The following UGGT2 variants were observed in gnomAD, a reference collection of about 807,000 sequenced individuals.
The protein encoded by UGGT2 is UDP-glucose:glycoprotein glucosyltransferase 2.
Under a neutral mutation model 192.1 loss-of-function variants are expected in UGGT2, and 180 were observed. That is an observed-to-expected ratio of 0.94 (90% CI 0.83 to 1.06). The LOEUF is 1.06. Among genes scored for constraint, UGGT2 ranks in the 50% least tolerant of loss-of-function variants. UGGT2 has a pLI of 0.00. For missense variants in UGGT2, 1,849 were observed against 1,795.7 expected (o/e 1.03, Z -0.54); for synonymous variants, 580 against 591.0 (o/e 0.98, Z 0.27).
chr13:95,839,976 C>T (rs1358715192), intron 36 of UGGT2, among the ~76,000 whole-genome samples: 1 of 152,018 alleles, frequency 6.6e-6, no homozygotes, highest in Non-Finnish European at 1.5e-5. Context: ...TGTCTATTTA[C>T]ATAGACATAT....
At chr13:95,852,060 G>T (rs539337754) in intron 36 of UGGT2, among the ~76,000 whole-genome samples, 1 of 151,888 alleles carries the variant, frequency 6.6e-6, no homozygotes, top group Non-Finnish European at 1.5e-5. Flanking sequence ...TATATTTGAA[G>T]ATCTCCCAAT....
Position 95,837,081 on chromosome 13 carries a change from C to T in UGGT2, c.4401+5G>A. The T allele has an allele frequency of 6.3e-7, 1 of 1,592,358 alleles. No homozygotes were observed. On this transcript the variant is annotated splice_donor_5th_base_variant and intron_variant, in intron 37 of 38. Coordinates refer to ENST00000376747, the MANE Select transcript of UGGT2 (RefSeq NM_020121.4). ...TTACATACAAATGAAAACAAAGACA[C>T]TCACCAGATCAATTGTTTTGGCTCT...
chr13:96,033,709 C>A (rs1215001546), intron 1 of UGGT2, among the ~76,000 whole-genome samples: 1 of 152,214 alleles, frequency 6.6e-6, no homozygotes, highest in Non-Finnish European at 1.5e-5. Flanking sequence ...CTGCCACAAC[C>A]CGGCTGGTTG....
At chr13:95,933,456 T>A (rs1467993408) in intron 17 of UGGT2, among the ~76,000 whole-genome samples, 1 of 152,210 alleles carries the variant, frequency 6.6e-6, no homozygotes, top group South Asian at 2.1e-4. Context: ...TTCTCCTTTT[T>A]CTGTTAATCT....
chr13:96,018,157 C>A (rs932426929), intron 4 of UGGT2, among the ~76,000 whole-genome samples: 10 of 152,100 alleles, frequency 6.6e-5, no homozygotes, highest in African/African-American at 2.4e-4. Context: ...CTCCCTATTT[C>A]CTATTCCCTG....
intron 25 of UGGT2, among the ~76,000 whole-genome samples, chr13:95,890,421 C>T (rs1239241395): frequency 6.6e-6 from 1 of 152,080 alleles, no homozygotes; most frequent in Non-Finnish European, 1.5e-5. Context: ...CTAGTTTGCA[C>T]GGGGCTAACA....
At chr13:96,008,063 G>A (rs944388661) in intron 5 of UGGT2, among the ~76,000 whole-genome samples, 6 of 152,098 alleles carry the variant, frequency 3.9e-5, no homozygotes, top group Admixed American at 1.3e-4. Context: ...TCAAATATAA[G>A]ACCCAAAACT....
intron 7 of UGGT2, among the ~76,000 whole-genome samples, chr13:95,994,750 T>C (rs146971054): frequency 5.3e-5 from 8 of 152,044 alleles, no homozygotes; most frequent in Non-Finnish European, 1.0e-4. Flanking sequence ...TCATAATTTG[T>C]ATGGTGATAG....
intron 7 of UGGT2, among the ~76,000 whole-genome samples, chr13:95,994,858 C>CT (rs1000549341): frequency 3.3e-5 from 5 of 151,946 alleles, no homozygotes; most frequent in African/African-American, 1.2e-4. Context: ...TGTTTCATGT[C>CT]TTTGAGGTTT....
intron 30 of UGGT2, 138 bp from the exon 31 acceptor site, chr13:95,863,852 T>A (rs958948775): frequency 1.6e-5 from 11 of 679,102 alleles, no homozygotes; most frequent in Non-Finnish European, 2.6e-5. Context: ...ACAGGCAATA[T>A]CTTAGCACAA....
intron 16 of UGGT2, among the ~76,000 whole-genome samples, chr13:95,938,166 T>C (rs1353172429): frequency 6.6e-6 from 1 of 152,218 alleles, no homozygotes; most frequent in African/African-American, 2.4e-5. Context: ...CTTTCTTTTC[T>C]AAATTGCCCA....
chr13:95,996,088 G>T lies in UGGT2; in HGVS notation c.805C>A (p.Gln269Lys). The change falls in exon 7 of 39, where the codon CAA (glutamine) becomes AAA (lysine). Residue 269 changes from glutamine to lysine, a missense_variant. Physicochemically the swap from Gln to Lys is moderately conservative, Grantham distance 53 (BLOSUM62 1). Coordinates refer to ENST00000376747, the MANE Select transcript of UGGT2 (RefSeq NM_020121.4). ...VEDETETNEVQGFLFGKLKEI... is the reference protein window; with the variant it reads ...VEDETETNEVKGFLFGKLKEI... ...TTTAGTTTCCCAAAGAGAAATCCTT[G>T]AACTTCATTTGTTTCAGTCTCATCC... 1.2e-6 allele frequency: 2 copies of T among 1,613,472 alleles called. No individual in the cohort carries two copies. The highest frequency in any genetic ancestry group is 2.2e-5 in the South Asian group (2 of 90,972).
intron 38 of UGGT2, among the ~76,000 whole-genome samples, chr13:95,814,046 G>T (rs1884700279): frequency 6.6e-6 from 1 of 152,252 alleles, no homozygotes; most frequent in Non-Finnish European, 1.5e-5. Context: ...ATTAAAAAAA[G>T]TCTGGGTATC....
At chr13:95,915,683 T>C (rs1195225227) in intron 20 of UGGT2, among the ~76,000 whole-genome samples, 2 of 152,274 alleles carry the variant, frequency 1.3e-5, no homozygotes, top group East Asian at 1.9e-4. Flanking sequence ...TCTCTGCAGA[T>C]TGGTCGACTC....
At chr13:95,875,232 T>C (rs1324124112) in intron 29 of UGGT2, among the ~76,000 whole-genome samples, 3 of 152,228 alleles carry the variant, frequency 2.0e-5, no homozygotes, top group African/African-American at 7.2e-5. Context: ...TCCATATATC[T>C]TCTTTGGTAG....
chr13:95,902,535 T>C (rs1460008552), intron 21 of UGGT2, among the ~76,000 whole-genome samples: 1 of 151,370 alleles, frequency 6.6e-6, no homozygotes, highest in Non-Finnish European at 1.5e-5. Context: ...CCCCCCATAA[T>C]GGACCCCTTC....
chr13:95,958,888 G>C (rs953497664), intron 12 of UGGT2, among the ~76,000 whole-genome samples: 1 of 152,168 alleles, frequency 6.6e-6, no homozygotes, highest in Non-Finnish European at 1.5e-5. Flanking sequence ...TTCCACTACG[G>C]ACTCCTACCA....
chr13:95,980,319 C>T (rs1242461564), intron 10 of UGGT2, among the ~76,000 whole-genome samples: 4 of 152,120 alleles, frequency 2.6e-5, no homozygotes, highest in Non-Finnish European at 5.9e-5. Flanking sequence ...TGGATGGAAT[C>T]GAAGACTATC....
At chr13:95,834,244 T>C (rs1474576481) in intron 37 of UGGT2, among the ~76,000 whole-genome samples, 9 of 152,044 alleles carry the variant, frequency 5.9e-5, no homozygotes, top group African/African-American at 1.9e-4. Flanking sequence ...TGTATGTGTG[T>C]GCTCATGCAT....
Sources: gnomAD v4.1 joint callset for allele counts (sites outside exome capture counted in the v4.1 genomes callset) on GRCh38, gnomAD v4.1.1 for gene constraint, MANE v1.5 for transcripts, NCBI Gene and HGNC (gene_info 2026-07-23, HGNC 2026-07-21) for gene names.